RALGAPB: variants seen among roughly 807,000 people sequenced by gnomAD.
The protein encoded by RALGAPB is Ral GTPase activating protein non-catalytic subunit beta.
In RALGAPB, 25 loss-of-function variants were observed where a neutral mutation model predicts 161.1. The observed-to-expected ratio is 0.16, with a 90% CI of 0.11 to 0.22. The LOEUF is 0.22. Among genes scored for constraint, RALGAPB ranks in the 10% least tolerant of loss-of-function variants. The probability of loss-of-function intolerance (pLI) is 1.00; values close to 1 mark genes in which losing one functional copy is unlikely to be tolerated. For synonymous variants in RALGAPB, 629 were observed against 626.1 expected (o/e 1.00, Z -0.07); for missense variants, 1,391 against 1,815.2 (o/e 0.77, Z 4.25).
At position 38,497,511 on chromosome 20, in the gene RALGAPB, T is replaced by C. The variant is rs767972369; in HGVS notation, c.548T>C (p.Val183Ala). The change falls in exon 4 of 30, where the codon GTT (valine) becomes GCT (alanine). Residue 183 changes from valine (V) to alanine (A), a missense_variant. Around this residue, in one of 3 missense-constraint regions of RALGAPB, gnomAD observed 946 missense variants for 1,257.2 expected, o/e 0.75. Transcript: ENST00000262879. ...INDILLAPPT[V>A]QGGIAENLAE... ...GACATACTTCTGGCCCCACCAACTG[T>C]TCAAGGTTTGTTTATTTTTTTTTTT... The C allele has an allele frequency of 1.3e-6, 2 of 1,594,198 alleles. No homozygotes were observed. The highest frequency in any genetic ancestry group is 1.8e-5 in the Admixed American group (1 of 54,392).
chr20:38,525,532 A>G lies in RALGAPB; in HGVS notation c.1902+14A>G, dbSNP rs369355563. The G allele has an allele frequency of 1.3e-6, 2 of 1,554,024 alleles. No individual in the cohort carries two copies. The highest frequency in any genetic ancestry group is 1.4e-5 in the African/African-American group (1 of 73,514). ...GTCAAATCTGAGGTAATGTTTTGTT[A>G]AAGTTTTTTTATATCCTATATTCTG... On this transcript the variant is annotated intron_variant, in intron 12 of 29. Transcript: ENST00000262879.
intron 11 of RALGAPB, 44 bp from the exon 12 acceptor site, chr20:38,525,360 G>C (rs1163289922): frequency 7.4e-7 from 1 of 1,359,546 alleles, no homozygotes; most frequent in Non-Finnish European, 1.0e-6. Flanking sequence ...AGCTAAAAAT[G>C]TGCTTTAGTT....
Position 38,539,864 on chromosome 20 carries a change from C to T in RALGAPB, c.2468C>T (p.Pro823Leu), listed in dbSNP as rs1449711623. Residue 823 changes from proline (P) to leucine (L), a missense_variant, in exon 17 of 30, where the codon CCT (proline) becomes CTT (leucine). Pro to Leu is a moderately conservative substitution (Grantham distance 98). This residue lies in a region of RALGAPB where 946 missense variants were observed against 1,257.2 expected (regional missense o/e 0.75). Coordinates refer to ENST00000262879, the MANE Select transcript of RALGAPB (RefSeq NM_020336.4). ...GTTTATCAGTGTAGTCGGCCAGCTCCTTTACACTCCAGGGATCTGCACTCC... is the reference window on the plus strand; with the variant it reads ...GTTTATCAGTGTAGTCGGCCAGCTCTTTTACACTCCAGGGATCTGCACTCC... Reference protein sequence around the residue: ...YIVYQCSRPAPLHSRDLHSMI... With the variant: ...YIVYQCSRPALLHSRDLHSMI... 1 of 1,614,098 alleles carries T rather than the reference C, an allele frequency of 6.2e-7. No homozygotes were observed. The highest frequency in any genetic ancestry group is 8.5e-7 in the Non-Finnish European group (1 of 1,179,990).
At chr20:38,485,966 C>CTTT (rs11481893) in intron 1 of RALGAPB, among the ~76,000 whole-genome samples, 253 of 90,606 alleles carry the variant, frequency 2.8e-3, no homozygotes, top group East Asian at 3.5e-3. Flanking sequence ...CTTTCTATAT[C>CTTT]TTTTTTTTTT....
intron 22 of RALGAPB, among the ~76,000 whole-genome samples, chr20:38,557,324 G>A (rs1248845732): frequency 1.3e-5 from 2 of 152,146 alleles, no homozygotes; most frequent in Non-Finnish European, 2.9e-5. Context: ...CATTGATGTG[G>A]TGCATTTGTT....
In RALGAPB at chr20:38,553,777, CAAAAAAAAAAAA is replaced by C. The variant is rs35778032; in HGVS notation, c.3163-77_3163-66del. On this transcript the variant is annotated intron_variant, in intron 21 of 29. Coordinates refer to ENST00000262879, the MANE Select transcript of RALGAPB (RefSeq NM_020336.4). ...GCTTGGTCAACATAGAGCCCAGTCT[CAAAAAAAAAAAA>C]AAAAAAAAAAAACACTTAAGATTGG... 1.9e-4 allele frequency: 53 copies of C among 278,790 alleles called. No homozygotes were observed. The African/African-American group carries it at 1.9e-3, about 10-fold the overall frequency. 17.3% of individuals were successfully genotyped at this position (278,790 alleles called of 1,614,324 possible).
chr20:38,519,296 C>T (rs7264940), intron 9 of RALGAPB, among the ~76,000 whole-genome samples: 3,867 of 152,154 alleles, frequency 0.025, 161 homozygotes, highest in African/African-American at 0.089. Context: ...TTGGGTTATT[C>T]TTGTCTTTAT....
intron 6 of RALGAPB, among the ~76,000 whole-genome samples, chr20:38,513,535 AG>A (rs1390482832): frequency 6.6e-6 from 1 of 151,896 alleles, no homozygotes; most frequent in Non-Finnish European, 1.5e-5. Context: ...CTGTAATCCT[AG>A]CTACTCAGGA....
At chr20:38,522,356 G>A (rs1430053052) in intron 10 of RALGAPB, among the ~76,000 whole-genome samples, 1 of 152,282 alleles carries the variant, frequency 6.6e-6, no homozygotes, top group South Asian at 2.1e-4. Context: ...GGCCAGAAAC[G>A]AAGAGTCATT....
chr20:38,483,635 G>A (rs1234137219), intron 1 of RALGAPB, among the ~76,000 whole-genome samples: 2 of 152,146 alleles, frequency 1.3e-5, no homozygotes, highest in African/African-American at 2.4e-5. Context: ...ATCAGCCTGA[G>A]GTGCCTTACA....
chr20:38,545,172 G>A (rs538031974), intron 18 of RALGAPB, among the ~76,000 whole-genome samples: 67 of 152,138 alleles, frequency 4.4e-4, no homozygotes, highest in African/African-American at 1.3e-3. Flanking sequence ...AGATAGACTC[G>A]CAAAGCACAT....
In RALGAPB at chr20:38,574,996, C is replaced by T. The variant is rs751713519; in HGVS notation, c.*29C>T. On this transcript the variant is annotated 3_prime_UTR_variant, in exon 30 of 30. Coordinates refer to ENST00000262879, the MANE Select transcript of RALGAPB (RefSeq NM_020336.4). ...ACTGAATTTCTAAGACTGTTGAACT[C>T]CAGTTTGGGAACTATAACACAGCAG... 110 of 1,548,448 alleles carry T rather than the reference C, an allele frequency of 7.1e-5. No homozygotes were observed. The highest frequency in any genetic ancestry group is 9.5e-5 in the Non-Finnish European group (106 of 1,120,680).
At chr20:38,496,461 A>G (rs986331589) in intron 3 of RALGAPB, among the ~76,000 whole-genome samples, 9 of 152,164 alleles carry the variant, frequency 5.9e-5, no homozygotes, top group African/African-American at 2.2e-4. Flanking sequence ...GTAATATTAG[A>G]TACTTCTCTT....
chr20:38,476,339 G>T (rs2084801713), intron 1 of RALGAPB, among the ~76,000 whole-genome samples: 1 of 152,192 alleles, frequency 6.6e-6, no homozygotes, highest in Non-Finnish European at 1.5e-5. Flanking sequence ...GGTGCGAGAT[G>T]ATTTAAGTTT....
intron 21 of RALGAPB, among the ~76,000 whole-genome samples, chr20:38,551,608 T>C (rs575638911): frequency 1.3e-5 from 2 of 152,122 alleles, no homozygotes; most frequent in Non-Finnish European, 2.9e-5. Flanking sequence ...ATTGTGGAGG[T>C]AGATCCAAGC....
intron 5 of RALGAPB, among the ~76,000 whole-genome samples, chr20:38,506,104 C>T (rs1261888154): frequency 2.0e-5 from 3 of 152,126 alleles, no homozygotes; most frequent in African/African-American, 7.2e-5. Context: ...GATGTGTATG[C>T]ATTGTATTAG....
At chr20:38,534,517 A>G (rs1296687308) in intron 15 of RALGAPB, 1 of 152,488 alleles carries the variant, frequency 6.6e-6, no homozygotes, top group African/African-American at 2.4e-5. Context: ...AAATAAAAAT[A>G]TGGTGGCTTG....
intron 6 of RALGAPB, among the ~76,000 whole-genome samples, chr20:38,513,072 T>C (rs977959944): frequency 2.0e-5 from 3 of 151,036 alleles, no homozygotes; most frequent in Admixed American, 6.6e-5. Flanking sequence ...CAATTAAAAA[T>C]TTTTAAAAAT....
At chr20:38,547,326 A>G (rs918783178) in intron 19 of RALGAPB, 1 of 152,208 alleles carries the variant, frequency 6.6e-6, no homozygotes, top group African/African-American at 2.4e-5. Flanking sequence ...AGGAAAGTGA[A>G]GGTTACAGAA....
Sources: gnomAD v4.1 joint callset for allele counts (sites outside exome capture counted in the v4.1 genomes callset) on GRCh38, gnomAD v4.1.1 for gene constraint, gnomAD v4.1.1 regional missense constraint, MANE v1.5 for transcripts, NCBI Gene and HGNC (gene_info 2026-07-23, HGNC 2026-07-21) for gene names.